PKIG: variants seen among roughly 807,000 people sequenced by gnomAD.
The protein encoded by PKIG is protein kinase (cAMP-dependent, catalytic) inhibitor gamma.
PKIG carries 1 observed loss-of-function variant against 6.8 expected under a neutral mutation model. The observed-to-expected ratio is 0.15, with a 90% CI of 0.05 to 0.69. The LOEUF is 0.69. Ranked by LOEUF, PKIG falls within the 30% of genes least tolerant of loss-of-function variation. The probability of loss-of-function intolerance (pLI) is 0.82; values close to 1 mark genes in which losing one functional copy is unlikely to be tolerated. For missense variants in PKIG, 77 were observed against 104.0 expected, an observed-to-expected ratio of 0.74 and a Z score of 1.13; for synonymous variants, 39 against 43.0, an observed-to-expected ratio of 0.91 and a Z score of 0.36.
intron 2 of PKIG, among the ~76,000 whole-genome samples, chr20:44,599,795 G>C (rs2065105593): frequency 6.6e-6 from 1 of 152,190 alleles, no homozygotes; most frequent in Non-Finnish European, 1.5e-5. Flanking sequence ...CACTTTTTAA[G>C]ACAAGTGTGA....
chr20:44,580,236 G>A (rs2064935988), upstream of PKIG, among the ~76,000 whole-genome samples: 1 of 152,160 alleles, frequency 6.6e-6, no homozygotes, highest in Non-Finnish European at 1.5e-5. Flanking sequence ...GGAAACCAAA[G>A]CACAGCAAGA....
At chr20:44,617,476 T>G (rs553291097) in intron 3 of PKIG, among the ~76,000 whole-genome samples, 4 of 152,184 alleles carry the variant, frequency 2.6e-5, no homozygotes, top group African/African-American at 9.6e-5. Context: ...GCTGGTCCAG[T>G]GGGTGGCAGG....
At position 44,562,335 on chromosome 20, in the gene PKIG, G is replaced by A. The variant is rs528620886; in HGVS notation, c.-240-20250G>A. On this transcript the variant is annotated intron_variant, in intron 1 of 4. Coordinates refer to the PKIG transcript ENST00000372887. Reference sequence around the variant, plus strand: ...TAACCAAAATCAAGAATGAAAAAGAGGGGGCTGGGCCCAGCCTTTAATCCC... The same window carrying A: ...TAACCAAAATCAAGAATGAAAAAGAAGGGGCTGGGCCCAGCCTTTAATCCC... 4.6e-5 allele frequency among the ~76,000 whole-genome samples: 7 copies of A among 152,212 alleles called. No individual in the cohort carries two copies. In the South Asian group the frequency reaches 1.5e-3, roughly 32 times the overall value.
intron 1 of PKIG, among the ~76,000 whole-genome samples, chr20:44,586,525 G>C (rs1283768185): frequency 1.3e-5 from 2 of 152,182 alleles, no homozygotes; most frequent in Non-Finnish European, 1.5e-5. Flanking sequence ...AGCAGAAGTG[G>C]GTGCTATTCT....
At chr20:44,591,719 T>G (rs538505371) in intron 2 of PKIG, among the ~76,000 whole-genome samples, 10 of 152,296 alleles carry the variant, frequency 6.6e-5, no homozygotes, top group African/African-American at 1.9e-4. Context: ...ATGAAGATAA[T>G]AAGTATTACT....
At chr20:44,575,330 T>A (rs2123309842) in intron 1 of PKIG, among the ~76,000 whole-genome samples, 1 of 152,350 alleles carries the variant, frequency 6.6e-6, no homozygotes, top group Non-Finnish European at 1.5e-5. Flanking sequence ...ACGATGCTCC[T>A]GCCTCTGCCT....
At chr20:44,604,120 G>C (rs577204598) in intron 2 of PKIG, among the ~76,000 whole-genome samples, 1 of 152,278 alleles carries the variant, frequency 6.6e-6, no homozygotes, top group African/African-American at 2.4e-5. Flanking sequence ...ATGATGAAGC[G>C]TAACTGAGGC....
At chr20:44,593,470 C>T (rs1210992516) in intron 2 of PKIG, among the ~76,000 whole-genome samples, 1 of 151,252 alleles carries the variant, frequency 6.6e-6, no homozygotes, top group Non-Finnish European at 1.5e-5. Flanking sequence ...ATGGTTGAAC[C>T]TGGAGGACAT....
intron 1 of PKIG, among the ~76,000 whole-genome samples, chr20:44,555,473 T>G (rs1252130490): frequency 6.6e-6 from 1 of 152,222 alleles, no homozygotes; most frequent in African/African-American, 2.4e-5. Context: ...CTTCTAAATA[T>G]CCAAACTACC....
chr20:44,577,007 C>CA (rs1217370240), intron 1 of PKIG, among the ~76,000 whole-genome samples: 3 of 151,704 alleles, frequency 2.0e-5, no homozygotes, highest in African/African-American at 4.8e-5. Context: ...ACTCCAAAAC[C>CA]AAAAAAATAC....
At chr20:44,558,811 G>T (rs993881815) in intron 1 of PKIG, among the ~76,000 whole-genome samples, 5 of 151,184 alleles carry the variant, frequency 3.3e-5, no homozygotes, top group Non-Finnish European at 7.4e-5. Context: ...GAGTGCAGTG[G>T]CATGATGACA....
At chr20:44,532,611 A>T (rs750395797) in intron 1 of PKIG, among the ~76,000 whole-genome samples, 1 of 152,200 alleles carries the variant, frequency 6.6e-6, no homozygotes, top group Non-Finnish European at 1.5e-5. Context: ...AAGAATTCAC[A>T]GTGATTCCGG....
intron 2 of PKIG, among the ~76,000 whole-genome samples, chr20:44,604,951 GA>G (rs1233216763): frequency 6.6e-6 from 1 of 151,858 alleles, no homozygotes; most frequent in African/African-American, 2.4e-5. Flanking sequence ...TAAATTGGGG[GA>G]CAAGTTAAAT....
chr20:44,546,773 G>A (rs929991090), intron 1 of PKIG, among the ~76,000 whole-genome samples: 3 of 69,674 alleles, frequency 4.3e-5, no homozygotes, highest in Admixed American at 3.7e-4. Flanking sequence ...GGTTGGTCTC[G>A]AGCTCCTGAC....
chr20:44,601,955 G>A (rs1034883118), intron 2 of PKIG, among the ~76,000 whole-genome samples: 27 of 152,184 alleles, frequency 1.8e-4, no homozygotes, highest in Non-Finnish European at 1.5e-4. Flanking sequence ...AGAAACCCAC[G>A]GGAGAAGTGG....
upstream of PKIG, among the ~76,000 whole-genome samples, chr20:44,580,052 G>A (rs1409572878): frequency 6.6e-6 from 1 of 152,124 alleles, no homozygotes; most frequent in Non-Finnish European, 1.5e-5. Flanking sequence ...TTGACTTCCC[G>A]ACCAATCTCT....
At chr20:44,610,543 T>C (rs244087) in intron 2 of PKIG, among the ~76,000 whole-genome samples, 1 of 133,590 alleles carries the variant, frequency 7.5e-6, no homozygotes, top group African/African-American at 3.0e-5. Flanking sequence ...CAGCACTTAC[T>C]GGCTCAACCC....
intron 2 of PKIG, among the ~76,000 whole-genome samples, chr20:44,592,713 T>A: frequency 6.6e-6 from 1 of 152,154 alleles, no homozygotes; most frequent in Non-Finnish European, 1.5e-5. Flanking sequence ...GAAAACTCCT[T>A]TGAGAGGAGC....
chr20:44,544,913 C>T, intron 1 of PKIG, among the ~76,000 whole-genome samples: 3 of 139,184 alleles, frequency 2.2e-5, no homozygotes, highest in African/African-American at 2.8e-5. Context: ...TTCTTTCTTT[C>T]CTTCCTTCTT....
Sources: gnomAD v4.1 joint callset for allele counts (sites outside exome capture counted in the v4.1 genomes callset) on GRCh38, gnomAD v4.1.1 for gene constraint, MANE v1.5 for transcripts, NCBI Gene and HGNC (gene_info 2026-07-23, HGNC 2026-07-21) for gene names.